Variants in XKRX observed in about 807,000 individuals in gnomAD.
The protein encoded by XKRX is XK related X-linked.
XKRX carries 11 observed loss-of-function variants against 22.4 expected under a neutral mutation model. That is an observed-to-expected ratio of 0.49 (90% CI 0.31 to 0.81). The LOEUF (loss-of-function observed/expected upper bound fraction) is 0.81, where lower values mean the gene tolerates loss of function less well. Ranked by LOEUF, XKRX falls within the 40% of genes least tolerant of loss-of-function variation. The probability of loss-of-function intolerance (pLI) is 0.05; values close to 1 mark genes in which losing one functional copy is unlikely to be tolerated. For missense variants in XKRX, 320 were observed against 336.5 expected, an observed-to-expected ratio of 0.95 and a Z score of 0.38; for synonymous variants, 114 against 132.2, an observed-to-expected ratio of 0.86 and a Z score of 0.94.
chrX:100,959,051 A>T, the XKRX span, among the ~76,000 whole-genome samples: 1 of 111,694 alleles, frequency 9.0e-6, no homozygotes, highest in Non-Finnish European at 1.9e-5. Flanking sequence ...TTCTCTGCAA[A>T]ATCAGGCCAC....
the XKRX span, among the ~76,000 whole-genome samples, chrX:100,939,927 G>T: frequency 8.9e-6 from 1 of 111,921 alleles, no homozygotes. Flanking sequence ...ATTTTATGAA[G>T]GATAATCATA....
At chrX:100,950,080 G>A in the XKRX span, among the ~76,000 whole-genome samples, 1 of 111,846 alleles carries the variant, frequency 8.9e-6, no homozygotes, top group South Asian at 3.7e-4. Flanking sequence ...GAACAAGAGA[G>A]AAAACAGACT....
Position 100,914,674 on chromosome X carries a change from A to C in XKRX, c.1014T>G (p.Asp338Glu), listed in dbSNP as rs771103174. 9.9e-6 allele frequency: 12 copies of C among 1,210,077 alleles called. No homozygotes were observed. Among genetic ancestry groups the C allele is most frequent in the Non-Finnish European group, 1.1e-5 (10 of 895,345 alleles). Residue 338 changes from aspartate to glutamate, a missense_variant, in exon 3 of 3, where the codon GAT becomes GAG. Asp to Glu is a conservative substitution (Grantham distance 45). Transcript: ENST00000372956. Reference protein sequence around the residue: ...SALQLRLADRDLVDKGQNWGH... With the variant: ...SALQLRLADRELVDKGQNWGH... ...CCCAGTTCTGCCCTTTGTCGACGAG[A>C]TCTCTGTCTGCCAACCTCAACTGCA...
In XKRX at chrX:100,928,712, G is replaced by C. The variant is rs941224864; in HGVS notation, c.-408C>G. On this transcript the variant is annotated 5_prime_UTR_variant, in exon 1 of 3. Coordinates refer to ENST00000372956, the MANE Select transcript of XKRX (RefSeq NM_212559.3). ...TCAGGCAGGGTGTAGCCGATCTGTCGGGGGCACCGACACTCAGCAGCTCCT... is the reference window on the plus strand; with the variant it reads ...TCAGGCAGGGTGTAGCCGATCTGTCCGGGGCACCGACACTCAGCAGCTCCT... 1.3e-6 allele frequency: 1 copy of C among 775,744 alleles called. No homozygotes were observed. Among genetic ancestry groups the C allele is most frequent in the African/African-American group, 2.3e-5 (1 of 43,865 alleles). The allele number at this position is 775,744 out of a possible 1,213,427, so 63.9% of individuals were successfully genotyped here. A position where few individuals can be genotyped will look rare whatever the true frequency, so the allele number is the denominator to read the frequency against.
At chrX:100,935,961 G>A in the XKRX span, among the ~76,000 whole-genome samples, 1 of 109,974 alleles carries the variant, frequency 9.1e-6, no homozygotes, top group Non-Finnish European at 1.9e-5. Flanking sequence ...TGTCCATTGA[G>A]TCATCATGTA....
chrX:100,942,158 C>T, the XKRX span, among the ~76,000 whole-genome samples: 2 of 111,729 alleles, frequency 1.8e-5, no homozygotes. Flanking sequence ...TATCACTCAG[C>T]ATACTATTAT....
chrX:100,947,419 C>T, the XKRX span, among the ~76,000 whole-genome samples: 4 of 112,300 alleles, frequency 3.6e-5, no homozygotes, highest in African/African-American at 6.5e-5. Flanking sequence ...CATATCATCA[C>T]GCTAATTAAA....
At chrX:100,942,971 A>G in the XKRX span, among the ~76,000 whole-genome samples, 2 of 111,715 alleles carry the variant, frequency 1.8e-5, no homozygotes, top group South Asian at 7.6e-4. Context: ...TGCTCCCATA[A>G]CATGTTCTGA....
At chrX:100,894,678 C>T in the XKRX span, among the ~76,000 whole-genome samples, 1 of 111,318 alleles carries the variant, frequency 9.0e-6, no homozygotes, top group South Asian at 3.8e-4. Context: ...TTCCAATGTT[C>T]TTCAGACTGG....
the XKRX span, among the ~76,000 whole-genome samples, chrX:100,935,509 AG>A: frequency 1.2e-3 from 132 of 112,066 alleles, 1 homozygote; most frequent in Non-Finnish European, 1.4e-3. Context: ...CTTTTCTTTG[AG>A]GCCACATTGC....
At position 100,928,249 on chromosome X, in the gene XKRX, A is replaced by G. The variant is rs749407376; in HGVS notation, c.56T>C (p.Leu19Pro). ...GGCTCCACGGATGACATCTTCCTCC[A>G]GAGATGAAACCGGATCCACATTTGG... ...EEPNVDPVSS[L>P]EEDVIRGANP... Residue 19 changes from leucine to proline, a missense_variant, in exon 1 of 3, where the codon CTG (leucine) becomes CCG (proline). Coordinates refer to ENST00000372956, the MANE Select transcript of XKRX (RefSeq NM_212559.3). The G allele has an allele frequency of 3.0e-5, 36 of 1,211,910 alleles. No individual in the cohort carries two copies. Among genetic ancestry groups the G allele is most frequent in the Non-Finnish European group, 4.0e-5 (36 of 895,594 alleles).
chrX:100,927,971 T>C lies in XKRX; in HGVS notation c.334A>G (p.Arg112Gly). ...MHLILLGPVIRCLEAMIKYLT... is the reference protein window; with the variant it reads ...MHLILLGPVIGCLEAMIKYLT... ...GGAAAAGATTTAAAAGTTGCTCACC[T>C]GATAACAGGTCCCAAGAGGATTAGA... Residue 112 changes from arginine to glycine, a missense_variant and splice_region_variant, in exon 1 of 3, where the codon AGA becomes GGA. Coordinates refer to ENST00000372956, the MANE Select transcript of XKRX (RefSeq NM_212559.3). 8.4e-7 allele frequency: 1 copy of C among 1,190,840 alleles called. No homozygotes were observed. Among genetic ancestry groups the C allele is most frequent in the Non-Finnish European group, 1.1e-6 (1 of 886,356 alleles).
At chrX:100,905,614 C>G in the XKRX span, among the ~76,000 whole-genome samples, 1 of 111,878 alleles carries the variant, frequency 8.9e-6, no homozygotes, top group Non-Finnish European at 1.9e-5. Context: ...CCTCTACCCC[C>G]CCATATTGTT....
At chrX:100,888,948 T>C in the XKRX span, among the ~76,000 whole-genome samples, 1 of 110,323 alleles carries the variant, frequency 9.1e-6, no homozygotes, top group Non-Finnish European at 1.9e-5. Flanking sequence ...TATTTGAAAA[T>C]AGGGAACTGG....
the XKRX span, among the ~76,000 whole-genome samples, chrX:100,944,487 C>A: frequency 9.0e-6 from 1 of 111,593 alleles, no homozygotes; most frequent in African/African-American, 3.3e-5. Context: ...CTCAGCCTCC[C>A]AAGTGGCTGG....
chrX:100,918,832 T>C, intron 2 of XKRX, among the ~76,000 whole-genome samples: 1 of 110,695 alleles, frequency 9.0e-6, no homozygotes, highest in African/African-American at 3.3e-5. Flanking sequence ...CCTCCTCCTC[T>C]TTCTTCCTAT....
chrX:100,937,541 A>C, the XKRX span, among the ~76,000 whole-genome samples: 4 of 111,839 alleles, frequency 3.6e-5, no homozygotes, highest in African/African-American at 1.3e-4. Flanking sequence ...TCAGAGGACT[A>C]TACTTCGAGA....
At position 100,922,533 on chromosome X, in the gene XKRX, A is replaced by G. The variant is rs765255162; in HGVS notation, c.604+260T>C. Among the ~76,000 whole-genome samples, 18 of 112,406 alleles carry G rather than the reference A, an allele frequency of 1.6e-4. No homozygotes were observed. In the East Asian group the frequency reaches 4.7e-3, roughly 30 times the overall value. ...GTCTGACTCCACAAGTTATTTAACT[A>G]TCTCCCAGTGCTGTCCGATAGAACT... On this transcript the variant is annotated intron_variant, in intron 2 of 2. Transcript: ENST00000372956.
rs1445944127 is a variant in XKRX, at chrX:100,924,242, C to T, written c.336-1181G>A. On this transcript the variant is annotated intron_variant, in intron 1 of 2. Coordinates refer to ENST00000372956, the MANE Select transcript of XKRX (RefSeq NM_212559.3). ...GAGGAAAAAAAATATCTCATATACA[C>T]AGGAAGCCATCAAAGCAACAAAAGT... 7.2e-5 allele frequency among the ~76,000 whole-genome samples: 8 copies of T among 110,538 alleles called. No homozygotes were observed. The Admixed American group carries it at 7.8e-4, about 11-fold the overall frequency.
Sources: gnomAD v4.1 joint callset for allele counts (sites outside exome capture counted in the v4.1 genomes callset) on GRCh38, gnomAD v4.1.1 for gene constraint, MANE v1.5 for transcripts, NCBI Gene and HGNC (gene_info 2026-07-23, HGNC 2026-07-21) for gene names.